The following SRPK2 variants were observed in gnomAD, a reference collection of about 807,000 sequenced individuals.
SRPK2 encodes the protein SRSF protein kinase 2.
A neutral mutation model predicts 90.8 loss-of-function variants in SRPK2; 21 were observed. The observed-to-expected ratio is 0.23, with a 90% CI of 0.16 to 0.33. The LOEUF (loss-of-function observed/expected upper bound fraction) is 0.33. Among genes scored for constraint, SRPK2 ranks in the 10% least tolerant of loss-of-function variants. SRPK2 has a pLI of 1.00. For synonymous variants in SRPK2, 288 were observed against 311.1 expected (o/e 0.93, Z 0.78); for missense variants, 620 against 869.0 (o/e 0.71, Z 3.60).
chr7:105,155,838 C>T (rs879436558), intron 7 of SRPK2, among the ~76,000 whole-genome samples: 30 of 152,268 alleles, frequency 2.0e-4, no homozygotes, highest in Admixed American at 7.8e-4. Context: ...GAAAGGTGCC[C>T]TTAGGGGTCA....
chr7:105,382,656 A>G (rs187565053), intron 2 of SRPK2, among the ~76,000 whole-genome samples: 2 of 152,272 alleles, frequency 1.3e-5, no homozygotes, highest in East Asian at 3.9e-4. Context: ...GCGAATCACA[A>G]AAGGTGACAT....
At chr7:105,193,259 G>A (rs956279445) in intron 3 of SRPK2, among the ~76,000 whole-genome samples, 2 of 152,152 alleles carry the variant, frequency 1.3e-5, no homozygotes, top group African/African-American at 4.8e-5. Flanking sequence ...TCTTACAGAT[G>A]GCTTGCCAGT....
chr7:105,292,086 CAT>C (rs1156501513), intron 2 of SRPK2, among the ~76,000 whole-genome samples: 18 of 152,182 alleles, frequency 1.2e-4, no homozygotes, highest in East Asian at 3.9e-4. Flanking sequence ...CTGAAATACA[CAT>C]GAGCCTCAGC....
intron 2 of SRPK2, among the ~76,000 whole-genome samples, chr7:105,335,592 G>A (rs1326842709): frequency 1.3e-5 from 2 of 151,188 alleles, no homozygotes; most frequent in Admixed American, 1.3e-4. Flanking sequence ...AGGAGGTGGA[G>A]GTTGCAGTGA....
In SRPK2 at chr7:105,185,546, C is replaced by A. The variant is rs993197136; in HGVS notation, c.230-16281G>T. ...CCAGGTGTATGTTACGTTCTCTTGT[C>A]AAAAAATAATAATAATAATACACTG... is the stretch of plus-strand genomic sequence containing the variant. On this transcript the variant is annotated intron_variant, in intron 3 of 15. Transcript: ENST00000393651. Among the ~76,000 whole-genome samples, 14 of 151,642 alleles carry A rather than the reference C, an allele frequency of 9.2e-5. No homozygotes were observed. The East Asian group carries it at 2.7e-3, about 29-fold the overall frequency.
intron 2 of SRPK2, 54 bp from the exon 3 acceptor site, chr7:105,203,839 G>A (rs1047135069): frequency 1.3e-6 from 2 of 1,543,108 alleles, no homozygotes; most frequent in Non-Finnish European, 1.8e-6. Context: ...CTTGCATTAT[G>A]GATGCATTTG....
chr7:105,368,249 G>GT (rs1253751216), intron 2 of SRPK2, among the ~76,000 whole-genome samples: 8 of 152,064 alleles, frequency 5.3e-5, no homozygotes, highest in Non-Finnish European at 1.0e-4. Flanking sequence ...TAGAAAAACT[G>GT]TTTTCCTGTA....
chr7:105,166,940 T>TA (rs921729880), intron 6 of SRPK2, among the ~76,000 whole-genome samples: 6 of 152,236 alleles, frequency 3.9e-5, no homozygotes, highest in East Asian at 1.9e-4. Flanking sequence ...TGTGGACATT[T>TA]ACAGAGCATT....
chr7:105,185,267 A>T (rs1793430374), intron 3 of SRPK2, among the ~76,000 whole-genome samples: 1 of 151,992 alleles, frequency 6.6e-6, no homozygotes, highest in South Asian at 2.1e-4. Flanking sequence ...AGAGAAAAAG[A>T]AATAAGATTT....
chr7:105,289,945 G>T (rs1241917585), intron 2 of SRPK2, among the ~76,000 whole-genome samples: 1 of 151,900 alleles, frequency 6.6e-6, no homozygotes, highest in Non-Finnish European at 1.5e-5. Flanking sequence ...CAATACTGTT[G>T]TGTCGCAGGA....
chr7:105,324,948 T>C (rs1813393861), intron 2 of SRPK2, among the ~76,000 whole-genome samples: 1 of 152,218 alleles, frequency 6.6e-6, no homozygotes, highest in Non-Finnish European at 1.5e-5. Context: ...CTATTTTTCC[T>C]ATTGTAAAAT....
At chr7:105,125,919 T>G (rs1039185924) in intron 15 of SRPK2, 3 of 1,046,940 alleles carry the variant, frequency 2.9e-6, no homozygotes, top group Admixed American at 2.4e-5. Context: ...ACACGACAGT[T>G]TAATCAGTAC....
At chr7:105,192,171 A>G (rs987603896) in intron 3 of SRPK2, among the ~76,000 whole-genome samples, 1 of 151,906 alleles carries the variant, frequency 6.6e-6, no homozygotes, top group African/African-American at 2.4e-5. Context: ...TAGAGTATAC[A>G]CTGAACCCAG....
At chr7:105,285,706 T>C (rs1179660714) in intron 2 of SRPK2, among the ~76,000 whole-genome samples, 1 of 152,162 alleles carries the variant, frequency 6.6e-6, no homozygotes, top group Non-Finnish European at 1.5e-5. Flanking sequence ...CCGCTCTCTC[T>C]TGCTCCAGCT....
chr7:105,216,057 A>G (rs1585208890), intron 2 of SRPK2, among the ~76,000 whole-genome samples: 1 of 129,210 alleles, frequency 7.7e-6, no homozygotes, highest in Non-Finnish European at 1.6e-5. Flanking sequence ...ATAGAGCATG[A>G]CCCCATCTCT....
At chr7:105,316,753 G>A (rs1344246616) in intron 2 of SRPK2, among the ~76,000 whole-genome samples, 1 of 152,170 alleles carries the variant, frequency 6.6e-6, no homozygotes, top group African/African-American at 2.4e-5. Context: ...CTCACTCCAG[G>A]ATCAGTTACA....
chr7:105,206,293 G>A (rs879497247), intron 2 of SRPK2: 20 of 231,256 alleles, frequency 8.6e-5, no homozygotes, highest in South Asian at 1.1e-4. Flanking sequence ...CCTCAATGGA[G>A]TAGACTGCAG....
At chr7:105,269,586 C>T (rs1049762074) in intron 2 of SRPK2, among the ~76,000 whole-genome samples, 1 of 151,838 alleles carries the variant, frequency 6.6e-6, no homozygotes, top group African/African-American at 2.4e-5. Context: ...AAAGGATTGA[C>T]AATAGACATC....
chr7:105,368,358 A>G (rs950205571), intron 2 of SRPK2, among the ~76,000 whole-genome samples: 6 of 152,182 alleles, frequency 3.9e-5, no homozygotes, highest in Non-Finnish European at 7.3e-5. Flanking sequence ...GTCTCTTCAG[A>G]GAAAAAAAAT....
Sources: gnomAD v4.1 joint callset for allele counts (sites outside exome capture counted in the v4.1 genomes callset) on GRCh38, gnomAD v4.1.1 for gene constraint, MANE v1.5 for transcripts, NCBI Gene and HGNC (gene_info 2026-07-23, HGNC 2026-07-21) for gene names.